Variants in PCDHGB1 observed in about 807,000 individuals in gnomAD.
PCDHGB1 encodes protocadherin gamma subfamily B, 1.
Under a neutral mutation model 56.6 loss-of-function variants are expected in PCDHGB1, and 34 were observed. The ratio of observed to expected loss-of-function variants is 0.60; its 90% confidence interval spans 0.46 to 0.80. The LOEUF is 0.80. Among genes scored for constraint, PCDHGB1 ranks in the 30% least tolerant of loss-of-function variants. PCDHGB1 has a pLI of 0.00. For synonymous variants in PCDHGB1, 561 were observed against 505.9 expected, an observed-to-expected ratio of 1.11 and a Z score of -1.46; for missense variants, 1,278 against 1,204.6, an observed-to-expected ratio of 1.06 and a Z score of -0.90.
At chr5:141,437,016 T>G (rs1025489534) in intron 1 of PCDHGB1, among the ~76,000 whole-genome samples, 1 of 152,254 alleles carries the variant, frequency 6.6e-6, no homozygotes, top group Non-Finnish European at 1.5e-5. Flanking sequence ...TTAGATAATT[T>G]CACCAGAAAA....
chr5:141,389,456 C>T, intron 1 of PCDHGB1: 1 of 1,613,332 alleles, frequency 6.2e-7, no homozygotes, highest in South Asian at 1.1e-5. Context: ...AGCAGCTGCG[C>T]GCCTTCGAAC....
At chr5:141,366,704 C>T in intron 1 of PCDHGB1, 1 of 1,614,250 alleles carries the variant, frequency 6.2e-7, no homozygotes, top group Non-Finnish European at 8.5e-7. Flanking sequence ...CGAGCCTCTT[C>T]TGATGTCTGA....
chr5:141,371,646 T>C, intron 1 of PCDHGB1: 3 of 1,614,026 alleles, frequency 1.9e-6, no homozygotes, highest in Non-Finnish European at 2.5e-6. Flanking sequence ...GATCCCAGAA[T>C]ACAATGTGAC....
At chr5:141,481,649 C>G (rs1199734660) in intron 1 of PCDHGB1, among the ~76,000 whole-genome samples, 1 of 152,012 alleles carries the variant, frequency 6.6e-6, no homozygotes, top group African/African-American at 2.4e-5. Flanking sequence ...GAAACTTCAT[C>G]TCTACTAATA....
intron 1 of PCDHGB1, among the ~76,000 whole-genome samples, chr5:141,435,500 A>G (rs896915416): frequency 6.6e-6 from 1 of 152,176 alleles, no homozygotes; most frequent in African/African-American, 2.4e-5. Context: ...TCCTACACTA[A>G]TGATACTAAT....
At chr5:141,450,869 G>A (rs1435272731) in intron 1 of PCDHGB1, among the ~76,000 whole-genome samples, 1 of 147,142 alleles carries the variant, frequency 6.8e-6, no homozygotes, top group Admixed American at 6.9e-5. Context: ...CTGTCACCCA[G>A]GCTGGTGTGC....
chr5:141,472,980 C>CAAAAAAAAAAAAAAAAAAAAAAAAAAAA (rs60579131), intron 1 of PCDHGB1, among the ~76,000 whole-genome samples: 1 of 86,106 alleles, frequency 1.2e-5, no homozygotes, highest in Non-Finnish European at 2.5e-5. Flanking sequence ...GAGTGAAACT[C>CAAAAAAAAAAAAAAAAAAAAAAAAAAAA]AAAAAAAAAA....
In PCDHGB1 at chr5:141,352,265, C is replaced by T. The variant is rs760271009; in HGVS notation, c.2005C>T (p.Pro669Ser). ...CGCGGATAGCCTGCAAGAGGTATTGCCAGACCTCAGCGACCGCCCTGAGCC... is the reference window on the plus strand; with the variant it reads ...CGCGGATAGCCTGCAAGAGGTATTGTCAGACCTCAGCGACCGCCCTGAGCC... ...IFADSLQEVL[P>S]DLSDRPEPSD... Residue 669 changes from proline (P) to serine (S), a missense_variant, in exon 1 of 4, where the codon CCA (proline) becomes TCA (serine). Transcript: ENST00000523390. 3.2e-5 allele frequency: 52 copies of T among 1,613,966 alleles called. 1 individual carries two copies. Among genetic ancestry groups the T allele is most frequent in the Non-Finnish European group, 3.7e-5 (44 of 1,179,914 alleles).
chr5:141,395,305 A>G, intron 1 of PCDHGB1: 1 of 1,514,986 alleles, frequency 6.6e-7, no homozygotes. Flanking sequence ...TATGTTTTGA[A>G]AAACATTGTG....
intron 1 of PCDHGB1, chr5:141,392,933 C>A: frequency 6.2e-7 from 1 of 1,613,930 alleles, no homozygotes; most frequent in Non-Finnish European, 8.5e-7. Flanking sequence ...AAGAGACGGA[C>A]AAAGGCTCCT....
intron 1 of PCDHGB1, among the ~76,000 whole-genome samples, chr5:141,483,124 G>A (rs1468216170): frequency 6.6e-6 from 1 of 152,154 alleles, no homozygotes; most frequent in East Asian, 1.9e-4. Flanking sequence ...GTCTTTGTAG[G>A]AGATGAGGTG....
intron 1 of PCDHGB1, among the ~76,000 whole-genome samples, chr5:141,448,571 C>G (rs1207283773): frequency 6.6e-6 from 1 of 152,128 alleles, no homozygotes; most frequent in Non-Finnish European, 1.5e-5. Flanking sequence ...TTTTATTTCC[C>G]CATTTTTTTT....
intron 1 of PCDHGB1, among the ~76,000 whole-genome samples, chr5:141,381,833 T>C (rs1385600494): frequency 7.2e-5 from 10 of 138,622 alleles, no homozygotes; most frequent in African/African-American, 2.5e-4. Context: ...CTTCTTTTTT[T>C]TTTTTTTTTT....
chr5:141,410,019 A>C, intron 1 of PCDHGB1: 2 of 1,613,204 alleles, frequency 1.2e-6, no homozygotes, highest in African/African-American at 2.7e-5. Context: ...TGGCTGTCCT[A>C]CCACGTGCTG....
At chr5:141,478,712 G>T in intron 1 of PCDHGB1, 1 of 1,547,046 alleles carries the variant, frequency 6.5e-7, no homozygotes, top group Non-Finnish European at 8.7e-7. Flanking sequence ...TTTGTGAGAT[G>T]GTGGCCTGCC....
intron 1 of PCDHGB1, among the ~76,000 whole-genome samples, chr5:141,380,689 C>T (rs570719600): frequency 4.4e-4 from 67 of 152,288 alleles, no homozygotes; most frequent in South Asian, 2.9e-3. Flanking sequence ...GCTTTGTGTT[C>T]GGAGTAGTCT....
At position 141,352,422 on chromosome 5, in the gene PCDHGB1, G is replaced by T. The variant is rs191134866; in HGVS notation, c.2162G>T (p.Gly721Val). ...LRRSSSLDTE[G>V]CFQTGLCSKS... Reference sequence around the variant, plus strand: ...CGTTCCTCCAGCCTCGACACTGAGGGCTGCTTTCAAACCGGTCTCTGCTCC... The same window carrying T: ...CGTTCCTCCAGCCTCGACACTGAGGTCTGCTTTCAAACCGGTCTCTGCTCC... Residue 721 changes from glycine to valine, a missense_variant, in exon 1 of 4, where the codon GGC (glycine) becomes GTC (valine). By Grantham distance (109) the Gly-to-Val change is moderately radical (BLOSUM62 -3). Coordinates refer to ENST00000523390, the MANE Select transcript of PCDHGB1 (RefSeq NM_018922.3). 2.1e-4 allele frequency: 340 copies of T among 1,614,054 alleles called. 1 individual carries two copies. The African/African-American group carries it at 3.3e-3, about 16-fold the overall frequency.
At chr5:141,396,682 C>T (rs1387269894) in intron 1 of PCDHGB1, 1 of 151,688 alleles carries the variant, frequency 6.6e-6, no homozygotes, top group Non-Finnish European at 1.5e-5. Context: ...TATTGTATTC[C>T]TGCATACCTT....
At chr5:141,505,127 A>C (rs926566427) in intron 2 of PCDHGB1, among the ~76,000 whole-genome samples, 1 of 152,158 alleles carries the variant, frequency 6.6e-6, no homozygotes, top group Non-Finnish European at 1.5e-5. Context: ...GCGCCACTGC[A>C]CTCCAGCCTG....
Sources: allele counts gnomAD v4.1 joint callset (sites outside exome capture counted in the v4.1 genomes callset), GRCh38; gene constraint gnomAD v4.1.1; transcripts MANE v1.5; gene names NCBI Gene and HGNC (gene_info 2026-07-23, HGNC 2026-07-21).